The following ARHGEF28 variants were observed in gnomAD, a reference collection of about 807,000 sequenced individuals.
ARHGEF28 encodes the protein 190 kDa guanine nucleotide exchange factor.
A neutral mutation model predicts 206.6 loss-of-function variants in ARHGEF28; 152 were observed. The observed-to-expected ratio is 0.74, with a 90% CI of 0.64 to 0.84. The LOEUF (loss-of-function observed/expected upper bound fraction) is 0.84, where lower values mean the gene tolerates loss of function less well. ARHGEF28 is among the 40% of genes least tolerant of loss of function. ARHGEF28 has a pLI of 0.00. For synonymous variants in ARHGEF28, 763 were observed against 776.4 expected, an observed-to-expected ratio of 0.98 and a Z score of 0.29; for missense variants, 2,028 against 2,073.2, an observed-to-expected ratio of 0.98 and a Z score of 0.42.
intron 29 of ARHGEF28, 143 bp downstream of exon 29, chr5:73,894,718 T>C (rs1761857671): frequency 2.0e-6 from 2 of 1,013,732 alleles, no homozygotes; most frequent in Non-Finnish European, 2.8e-6. Flanking sequence ...CTTATATTTC[T>C]AGAAATAGCC....
intron 22 of ARHGEF28, among the ~76,000 whole-genome samples, chr5:73,877,666 C>A (rs2112655255): frequency 6.6e-6 from 1 of 150,500 alleles, no homozygotes; most frequent in African/African-American, 2.5e-5. Flanking sequence ...TTTCTGCCTT[C>A]ATTTCGTTAT....
At chr5:73,932,908 A>T (rs1580123640) in intron 35 of ARHGEF28, among the ~76,000 whole-genome samples, 1 of 134,780 alleles carries the variant, frequency 7.4e-6, no homozygotes, top group South Asian at 2.3e-4. Flanking sequence ...TCCCGGGTTC[A>T]CGCCATTCTC....
chr5:73,714,872 G>T (rs796921298), intron 2 of ARHGEF28, among the ~76,000 whole-genome samples: 3 of 152,228 alleles, frequency 2.0e-5, no homozygotes, highest in African/African-American at 7.2e-5. Context: ...TTAGTTTCTT[G>T]CAGTAAAAGG....
intron 4 of ARHGEF28, among the ~76,000 whole-genome samples, chr5:73,757,266 A>G (rs1580575451): frequency 6.6e-6 from 1 of 150,526 alleles, no homozygotes; most frequent in African/African-American, 2.5e-5. Context: ...CAGTGGCATC[A>G]CAGGTGGAAA....
intron 2 of ARHGEF28, among the ~76,000 whole-genome samples, chr5:73,738,555 T>G (rs527840542): frequency 6.7e-6 from 1 of 148,926 alleles, no homozygotes; most frequent in East Asian, 2.0e-4. Context: ...ACACCGAGGA[T>G]AGATAGGTGG....
At chr5:73,722,248 C>T (rs1750003330) in intron 2 of ARHGEF28, among the ~76,000 whole-genome samples, 1 of 152,224 alleles carries the variant, frequency 6.6e-6, no homozygotes, top group South Asian at 2.1e-4. Flanking sequence ...ACATCCATGA[C>T]ATAGCAGACA....
chr5:73,869,229 G>GGGGGT (rs1554072950), intron 20 of ARHGEF28, among the ~76,000 whole-genome samples: 1 of 125,516 alleles, frequency 8.0e-6, no homozygotes, highest in African/African-American at 3.1e-5. Flanking sequence ...GGGTGGAGGG[G>GGGGGT]GGTGGGGAAG....
At chr5:73,794,247 C>T (rs1284915657) in intron 7 of ARHGEF28, 155 bp from the exon 8 acceptor site, 2 of 592,056 alleles carry the variant, frequency 3.4e-6, no homozygotes, top group African/African-American at 1.9e-5. Flanking sequence ...AGACACTCTG[C>T]TCTGTGGAGA....
chr5:73,636,992 A>G (rs1226945184), intron 1 of ARHGEF28, among the ~76,000 whole-genome samples: 1 of 152,164 alleles, frequency 6.6e-6, no homozygotes, highest in South Asian at 2.1e-4. Context: ...ATGGGGAGAA[A>G]TGGTTGCAAA....
chr5:73,824,531 A>G (rs185023962), intron 9 of ARHGEF28, among the ~76,000 whole-genome samples: 3 of 151,374 alleles, frequency 2.0e-5, no homozygotes, highest in South Asian at 2.1e-4. Context: ...GTGCGGTAGC[A>G]TGATCTCGGC....
chr5:73,686,958 A>C (rs1219795648), intron 2 of ARHGEF28, among the ~76,000 whole-genome samples: 1 of 152,178 alleles, frequency 6.6e-6, no homozygotes, highest in Non-Finnish European at 1.5e-5. Context: ...ATATTTTATC[A>C]TTTTTAAGGT....
At position 73,840,505 on chromosome 5, in the gene ARHGEF28, T is replaced by C; in HGVS notation, c.1172T>C (p.Ile391Thr). 2 of 1,613,892 alleles carry C rather than the reference T, an allele frequency of 1.2e-6. No individual in the cohort carries two copies. Among genetic ancestry groups the C allele is most frequent in the South Asian group, 2.2e-5 (2 of 91,072 alleles). The change falls in exon 11 of 36, where the codon ATT becomes ACT. Residue 391 changes from isoleucine (I) to threonine (T), a missense_variant. Around this residue, in one of 3 missense-constraint regions of ARHGEF28, gnomAD observed 1,002 missense variants for 1,015.3 expected, o/e 0.99. Transcript: ENST00000513042. ...DQVGDLDISYINIEGITATTS... is the reference protein window; with the variant it reads ...DQVGDLDISYTNIEGITATTS... ...GTTGGTGATTTGGATATCAGCTATA[T>C]TAATATAGAGGGAATCACTGCCACT...
Position 73,925,218 on chromosome 5 carries a change from C to T in ARHGEF28, c.4948+13643C>T, listed in dbSNP as rs374284869. 3.1e-4 allele frequency among the ~76,000 whole-genome samples: 47 copies of T among 152,272 alleles called. 1 individual carries two copies. The highest frequency in any genetic ancestry group is 9.1e-4 in the African/African-American group (38 of 41,554). ...CTCACCCTTTATGAGGCACAGGAGG[C>T]GATACGCTTGCATCTCGATCTCTCA... On this transcript the variant is annotated intron_variant, in intron 35 of 35. Coordinates refer to ENST00000513042, the MANE Select transcript of ARHGEF28 (RefSeq NM_001177693.2).
chr5:73,648,737 A>G (rs1744602885), intron 1 of ARHGEF28, among the ~76,000 whole-genome samples: 1 of 152,198 alleles, frequency 6.6e-6, no homozygotes, highest in Admixed American at 6.5e-5. Context: ...AATGAAGAGC[A>G]GTGAGGTGAG....
chr5:73,891,678 G>T (rs6453030), intron 26 of ARHGEF28, among the ~76,000 whole-genome samples: 4 of 151,570 alleles, frequency 2.6e-5, no homozygotes, highest in African/African-American at 9.7e-5. Flanking sequence ...GCGCACACCA[G>T]CACATCTGGC....
intron 1 of ARHGEF28, among the ~76,000 whole-genome samples, chr5:73,629,882 A>G (rs1743254845): frequency 6.6e-6 from 1 of 152,240 alleles, no homozygotes; most frequent in Non-Finnish European, 1.5e-5. Context: ...TGATTTCTGT[A>G]GAAAGTTAAC....
At chr5:73,731,825 T>C (rs987316372) in intron 2 of ARHGEF28, among the ~76,000 whole-genome samples, 6 of 152,162 alleles carry the variant, frequency 3.9e-5, no homozygotes, top group African/African-American at 1.4e-4. Context: ...TGTAAACAGT[T>C]ATTTATCAAT....
chr5:73,789,700 C>T (rs1178531923), intron 7 of ARHGEF28, among the ~76,000 whole-genome samples: 1 of 151,392 alleles, frequency 6.6e-6, no homozygotes, highest in Non-Finnish European at 1.5e-5. Flanking sequence ...TTTTTTGATA[C>T]AAAAGACTTT....
At chr5:73,729,625 G>A (rs1265586092) in intron 2 of ARHGEF28, among the ~76,000 whole-genome samples, 3 of 152,182 alleles carry the variant, frequency 2.0e-5, no homozygotes, top group African/African-American at 7.2e-5. Flanking sequence ...TACACAGAAT[G>A]TGTTAGATTT....
Sources: allele counts gnomAD v4.1 joint callset (sites outside exome capture counted in the v4.1 genomes callset), GRCh38; gene constraint gnomAD v4.1.1; regional missense constraint gnomAD v4.1.1; transcripts MANE v1.5; gene names NCBI Gene and HGNC (gene_info 2026-07-23, HGNC 2026-07-21).